PRKN: variants seen among roughly 807,000 people sequenced by gnomAD.
PRKN encodes the protein E3 ubiquitin-protein ligase parkin.
PRKN carries 56 observed loss-of-function variants against 59.5 expected under a neutral mutation model. The observed-to-expected ratio is 0.94, with a 90% CI of 0.76 to 1.18. The LOEUF (loss-of-function observed/expected upper bound fraction) is 1.18, where lower values mean the gene tolerates loss of function less well. Ranked by LOEUF, PRKN falls within the 50% of genes most tolerant of loss-of-function variation. The probability of loss-of-function intolerance (pLI) is 0.00; values close to 1 mark genes in which losing one functional copy is unlikely to be tolerated. For synonymous variants in PRKN, 250 were observed against 222.1 expected (o/e 1.13, Z -1.12); for missense variants, 657 against 596.4 (o/e 1.10, Z -1.06).
chr6:161,510,734 A>T (rs1778354262), intron 9 of PRKN, among the ~76,000 whole-genome samples: 1 of 152,224 alleles, frequency 6.6e-6, no homozygotes, highest in South Asian at 2.1e-4. Flanking sequence ...TCAAGAAAAT[A>T]ATAGCAAGTC....
chr6:161,835,408 C>T (rs1183951513), intron 6 of PRKN, among the ~76,000 whole-genome samples: 1 of 152,178 alleles, frequency 6.6e-6, no homozygotes, highest in Non-Finnish European at 1.5e-5. Flanking sequence ...CTTCCGTACC[C>T]TTGTTTAATC....
intron 4 of PRKN, among the ~76,000 whole-genome samples, chr6:162,104,485 A>G (rs1294087312): frequency 1.3e-5 from 2 of 152,240 alleles, no homozygotes; most frequent in Non-Finnish European, 2.9e-5. Context: ...CACAAAGACA[A>G]CAACTAATCA....
intron 4 of PRKN, among the ~76,000 whole-genome samples, chr6:162,108,964 A>G (rs1291965702): frequency 2.6e-5 from 4 of 152,222 alleles, no homozygotes; most frequent in Admixed American, 2.0e-4. Context: ...GGCGGTGTAC[A>G]GCAGCAGCAG....
intron 9 of PRKN, among the ~76,000 whole-genome samples, chr6:161,427,921 CT>C (rs1466043199): frequency 2.6e-5 from 4 of 152,168 alleles, no homozygotes; most frequent in Admixed American, 2.0e-4. Flanking sequence ...TGAAATCACT[CT>C]TGTCGATATA....
intron 7 of PRKN, among the ~76,000 whole-genome samples, chr6:161,646,025 G>C (rs375582449): frequency 3.5e-4 from 34 of 98,252 alleles, no homozygotes; most frequent in South Asian, 1.8e-3. Context: ...TGACAGTGGT[G>C]ACTGCGTGTG....
chr6:161,864,296 T>C (rs1160852799), intron 6 of PRKN, among the ~76,000 whole-genome samples: 2 of 152,210 alleles, frequency 1.3e-5, no homozygotes, highest in African/African-American at 2.4e-5. Context: ...CTCAACAATG[T>C]TCACACCATC....
At chr6:162,246,100 G>C (rs554565348) in intron 3 of PRKN, among the ~76,000 whole-genome samples, 1 of 152,064 alleles carries the variant, frequency 6.6e-6, no homozygotes, top group Admixed American at 6.5e-5. Context: ...TGTTGCCTCC[G>C]TTGTGTGAAA....
At chr6:162,705,682 G>T (rs1778313835) in intron 1 of PRKN, among the ~76,000 whole-genome samples, 1 of 152,140 alleles carries the variant, frequency 6.6e-6, no homozygotes, top group Non-Finnish European at 1.5e-5. Context: ...TATCTGCTCT[G>T]CAAGACAGAA....
intron 2 of PRKN, among the ~76,000 whole-genome samples, chr6:162,370,355 A>T (rs778886305): frequency 6.6e-6 from 1 of 152,172 alleles, no homozygotes; most frequent in Non-Finnish European, 1.5e-5. Flanking sequence ...GCATTTTAAC[A>T]TCACTAACTA....
At chr6:162,095,966 C>T (rs537872598) in intron 4 of PRKN, among the ~76,000 whole-genome samples, 5 of 152,196 alleles carry the variant, frequency 3.3e-5, no homozygotes, top group Non-Finnish European at 7.3e-5. Context: ...ATTCCATCTG[C>T]AGAAGAGGTC....
At chr6:162,071,136 G>T (rs1317944741) in intron 4 of PRKN, among the ~76,000 whole-genome samples, 1 of 151,578 alleles carries the variant, frequency 6.6e-6, no homozygotes, top group Non-Finnish European at 1.5e-5. Flanking sequence ...TCACTGGACG[G>T]TATTCGACAT....
intron 6 of PRKN, among the ~76,000 whole-genome samples, chr6:161,806,377 G>C (rs575997423): frequency 2.0e-5 from 3 of 152,280 alleles, no homozygotes; most frequent in African/African-American, 7.2e-5. Flanking sequence ...GTTTGGACTC[G>C]AAAGCACCCG....
In PRKN at chr6:161,491,756, G is replaced by C. The variant is rs145903775; in HGVS notation, c.1083+57098C>G. Among the ~76,000 whole-genome samples, 441 of 152,088 alleles carry C rather than the reference G, an allele frequency of 2.9e-3. 2 individuals are homozygous for C. The highest frequency in any genetic ancestry group is 4.9e-3 in the Non-Finnish European group (336 of 68,004). On this transcript the variant is annotated intron_variant, in intron 9 of 11. Coordinates refer to ENST00000366898, the MANE Select transcript of PRKN (RefSeq NM_004562.3). Reference sequence around the variant, plus strand: ...AGCAATTCTCCTGCCTGAGCCTCCTGAGTAGCTGGGATTACAGGTGCCTGC... The same window carrying C: ...AGCAATTCTCCTGCCTGAGCCTCCTCAGTAGCTGGGATTACAGGTGCCTGC...
At chr6:162,048,656 T>G (rs1434374235) in intron 5 of PRKN, among the ~76,000 whole-genome samples, 17 of 148,416 alleles carry the variant, frequency 1.1e-4, no homozygotes, top group Non-Finnish European at 2.5e-4. Flanking sequence ...CTGGGCCACA[T>G]AGGAAGAAGA....
chr6:162,435,167 A>G (rs1789711080), intron 2 of PRKN, among the ~76,000 whole-genome samples: 1 of 152,158 alleles, frequency 6.6e-6, no homozygotes, highest in Non-Finnish European at 1.5e-5. Context: ...CTGTACCCTA[A>G]TAAGATGCAT....
chr6:161,940,802 T>C (rs1779536029), intron 6 of PRKN, among the ~76,000 whole-genome samples: 2 of 152,178 alleles, frequency 1.3e-5, no homozygotes, highest in African/African-American at 2.4e-5. Flanking sequence ...AGGCGCACAA[T>C]CTACAATGCA....
chr6:162,444,739 G>C (rs1186678273), intron 1 of PRKN, among the ~76,000 whole-genome samples: 1 of 152,016 alleles, frequency 6.6e-6, no homozygotes, highest in Non-Finnish European at 1.5e-5. Flanking sequence ...ATAGCACACG[G>C]GTTAAAAGAA....
At chr6:162,059,035 G>A (rs997631888) in intron 4 of PRKN, among the ~76,000 whole-genome samples, 1 of 150,556 alleles carries the variant, frequency 6.6e-6, no homozygotes, top group African/African-American at 2.4e-5. Flanking sequence ...TTGCTTCACA[G>A]AGTAAGACTT....
chr6:162,629,904 T>C (rs982325334), intron 1 of PRKN, among the ~76,000 whole-genome samples: 2 of 152,142 alleles, frequency 1.3e-5, no homozygotes, highest in African/African-American at 4.8e-5. Flanking sequence ...TTGAAGTATA[T>C]AATTCCCAAT....
Sources: gnomAD v4.1 joint callset for allele counts (sites outside exome capture counted in the v4.1 genomes callset) on GRCh38, gnomAD v4.1.1 for gene constraint, MANE v1.5 for transcripts, NCBI Gene and HGNC (gene_info 2026-07-23, HGNC 2026-07-21) for gene names.